FRZB: variants seen among roughly 807,000 people sequenced by gnomAD.
FRZB encodes secreted frizzled-related protein 3.
FRZB carries 34 observed loss-of-function variants against 32.5 expected under a neutral mutation model. The ratio of observed to expected loss-of-function variants is 1.05; its 90% CI spans 0.80 to 1.39. The LOEUF (loss-of-function observed/expected upper bound fraction) is 1.39, where lower values mean the gene tolerates loss of function less well. Among genes scored for constraint, FRZB ranks in the 40% most tolerant of loss-of-function variants. The probability of loss-of-function intolerance (pLI) is 0.00; values close to 1 mark genes in which losing one functional copy is unlikely to be tolerated. For synonymous variants in FRZB, 170 were observed against 159.2 expected, an observed-to-expected ratio of 1.07 and a Z score of -0.51; for missense variants, 423 against 424.8, an observed-to-expected ratio of 1.00 and a Z score of 0.04.
intron 5 of FRZB, among the ~76,000 whole-genome samples, chr2:182,835,960 T>C (rs1414511174): frequency 6.6e-6 from 1 of 152,152 alleles, no homozygotes; most frequent in African/African-American, 2.4e-5. Context: ...GAACTGATAA[T>C]AGAATCTACT....
At chr2:182,850,025 G>A (rs1042871742) in intron 2 of FRZB, among the ~76,000 whole-genome samples, 3 of 152,208 alleles carry the variant, frequency 2.0e-5, no homozygotes, top group African/African-American at 7.2e-5. Flanking sequence ...AGGAAAGGGA[G>A]TGCCAGTCAC....
chr2:182,861,563 T>C (rs940880853), intron 1 of FRZB, among the ~76,000 whole-genome samples: 1 of 152,234 alleles, frequency 6.6e-6, no homozygotes, highest in Non-Finnish European at 1.5e-5. Context: ...CAATCCCTAA[T>C]GAATGTCAAT....
rs76808659 is a variant in FRZB, at chr2:182,836,286, T to A, written c.862-1321A>T. On this transcript the variant is annotated intron_variant, in intron 5 of 5. Transcript: ENST00000295113. ...AGCAAATCTGATTGAAAAAATAACA[T>A]CCTCCATAAAACTCTTTTTACACAT... is the stretch of plus-strand genomic sequence containing the variant. Among the ~76,000 whole-genome samples the A allele has an allele frequency of 5.2e-3, 792 of 152,026 alleles. 25 individuals carry two copies. In the East Asian group the frequency reaches 0.072, roughly 14 times the overall value.
At chr2:182,837,772 A>G (rs1574981734) in intron 5 of FRZB, among the ~76,000 whole-genome samples, 176 bp downstream of exon 5, 1 of 152,164 alleles carries the variant, frequency 6.6e-6, no homozygotes, top group South Asian at 2.1e-4. Flanking sequence ...TCATTCCTTA[A>G]ATAAAATAGA....
At chr2:182,864,294 G>T (rs534520481) in intron 1 of FRZB, among the ~76,000 whole-genome samples, 3 of 152,246 alleles carry the variant, frequency 2.0e-5, no homozygotes, top group Non-Finnish European at 2.9e-5. Flanking sequence ...AGCAAGTTTT[G>T]TGCTTTACGG....
chr2:182,838,510 C>G lies in FRZB; in HGVS notation c.696G>C (p.Arg232=), dbSNP rs755670259. Reference sequence around the variant, plus strand: ...AGCTGGTATAGAGGTTGACAGTGTCCCGTGGAATGTTTACCAGAGAGGACT... The same window carrying G: ...AGCTGGTATAGAGGTTGACAGTGTCGCGTGGAATGTTTACCAGAGAGGACT... ...ILKSSLVNIP[R]DTVNLYTSSG... Residue 232 remains arginine (R), a synonymous_variant, in exon 4 of 6, where the codon CGG becomes CGC. Transcript: ENST00000295113. 1.9e-6 allele frequency: 3 copies of G among 1,612,766 alleles called. No homozygotes were observed. The East Asian group carries it at 6.7e-5, about 36-fold the overall frequency.
Position 182,866,052 on chromosome 2 carries a change from G to A in FRZB, c.478+23C>T. ...TTGAGGAGGCTGTAGGGTAAGGGAA[G>A]GGTGGGCCGTGTCAAAACTCACCAG... On this transcript the variant is annotated intron_variant, in intron 1 of 5. Coordinates refer to ENST00000295113, the MANE Select transcript of FRZB (RefSeq NM_001463.4). This position sits in a 1 kb window ranked among gnomAD's most constrained non-coding sequence, Gnocchi z 4.5. The A allele has an allele frequency of 6.4e-7, 1 of 1,567,346 alleles. No individual in the cohort carries two copies. The highest frequency in any genetic ancestry group is 2.3e-5 in the East Asian group (1 of 44,440).
chr2:182,860,489 G>A (rs915163431), intron 1 of FRZB, among the ~76,000 whole-genome samples: 2 of 152,060 alleles, frequency 1.3e-5, no homozygotes, highest in African/African-American at 4.8e-5. Context: ...CATTAGAGAG[G>A]GAGAGAAGGG....
In FRZB at chr2:182,866,580, G is replaced by A; in HGVS notation, c.-28C>T. ...TCCCGGCAGGATGGGGCAGGGTGCA[G>A]CCGCGCAGTGGACGCCAAAAGGCCC... On this transcript the variant is annotated 5_prime_UTR_variant, in exon 1 of 6. Transcript: ENST00000295113. This position sits in a 1 kb window ranked among gnomAD's most constrained non-coding sequence, Gnocchi z 4.5. 2 of 1,403,814 alleles carry A rather than the reference G, an allele frequency of 1.4e-6. No individual in the cohort carries two copies. The highest frequency in any genetic ancestry group is 1.9e-6 in the Non-Finnish European group (2 of 1,073,254). 87.0% of individuals were successfully genotyped at this position (1,403,814 alleles called of 1,614,324 possible). A position where few individuals can be genotyped will look rare whatever the true frequency, so the allele number is the denominator to read the frequency against.
rs184223003 is a variant in FRZB, at chr2:182,862,620, T to C, written c.478+3455A>G. On this transcript the variant is annotated intron_variant, in intron 1 of 5. Coordinates refer to ENST00000295113, the MANE Select transcript of FRZB (RefSeq NM_001463.4). ...TAAAAGTTCTAGGCTGCATCTGCAT[T>C]TACCAACATAACCATTTCAAAAACA... is the stretch of plus-strand genomic sequence containing the variant. Among the ~76,000 whole-genome samples the C allele has an allele frequency of 4.3e-4, 66 of 152,352 alleles. 1 individual carries two copies. The highest frequency in any genetic ancestry group is 7.3e-5 in the Non-Finnish European group (5 of 68,038).
chr2:182,838,005 G>T lies in FRZB; in HGVS notation c.804C>A (p.Leu268=). The T allele has an allele frequency of 6.2e-7, 1 of 1,611,118 alleles. No individual in the cohort carries two copies. ...GYEDEERSRL[L]LVEGSIAEKW... ...TCTCAGCTATAGAGCCTTCCACCAAGAGTAATCTGTATTTTTGAAAGAAGC... is the reference window on the plus strand; with the variant it reads ...TCTCAGCTATAGAGCCTTCCACCAATAGTAATCTGTATTTTTGAAAGAAGC... The change falls in exon 5 of 6, where the codon CTC becomes CTA. Residue 268 remains leucine, a synonymous_variant. Transcript: ENST00000295113.
intron 3 of FRZB, among the ~76,000 whole-genome samples, chr2:182,838,879 C>T (rs937589364): frequency 6.6e-6 from 1 of 151,982 alleles, no homozygotes; most frequent in Non-Finnish European, 1.5e-5. Context: ...TGTGCATGTG[C>T]TTTTGAGAAA....
In FRZB at chr2:182,866,268, GATGGGCGCGT is replaced by G. The variant is rs747656575; in HGVS notation, c.275_284del (p.Tyr92SerfsTer112). The stretch of plus-strand genomic sequence containing the variant: ...GCTCGTGCTGGAAGTCAATGGTGCA[GATGGGCGCGT>G]ACATGGCACAGAGGAAGAAGAGCAG... On this transcript the variant is annotated frameshift_variant, in exon 1 of 6. Transcript: ENST00000295113. LOFTEE classifies it high-confidence loss of function. This position sits in a 1 kb window ranked among gnomAD's most constrained non-coding sequence, Gnocchi z 4.5. The G allele has an allele frequency of 6.2e-7, 1 of 1,614,246 alleles. No individual in the cohort carries two copies. The highest frequency in any genetic ancestry group is 1.3e-5 in the African/African-American group (1 of 75,072).
chr2:182,865,361 T>G (rs1316123514), intron 1 of FRZB, among the ~76,000 whole-genome samples: 1 of 152,186 alleles, frequency 6.6e-6, no homozygotes, highest in Admixed American at 6.5e-5. Context: ...AATTTCAGTC[T>G]GCCAGCTCTA....
chr2:182,846,936 A>C (rs1422262361), intron 2 of FRZB, among the ~76,000 whole-genome samples: 1 of 152,216 alleles, frequency 6.6e-6, no homozygotes, highest in Non-Finnish European at 1.5e-5. Context: ...ACTCTGGTGT[A>C]TCCATTCTTC....
intron 2 of FRZB, among the ~76,000 whole-genome samples, chr2:182,852,269 G>A (rs1695718268): frequency 6.6e-6 from 1 of 152,158 alleles, no homozygotes; most frequent in Non-Finnish European, 1.5e-5. Context: ...GAGTGGCTGG[G>A]CAGGCCTGGC....
chr2:182,862,510 ATAT>A (rs778743996), intron 1 of FRZB, among the ~76,000 whole-genome samples: 1 of 152,216 alleles, frequency 6.6e-6, no homozygotes, highest in Non-Finnish European at 1.5e-5. Context: ...CTAACTTTAT[ATAT>A]TTAGAAGAAA....
chr2:182,847,515 T>C (rs1695658921), intron 2 of FRZB, among the ~76,000 whole-genome samples: 1 of 152,230 alleles, frequency 6.6e-6, no homozygotes. Context: ...GGCAACGTGA[T>C]GACTGGACCC....
rs950505020 is a variant in FRZB at position 182,834,140 on chromosome 2, C to G, written c.*709G>C. 2.6e-5 allele frequency: 4 copies of G among 152,088 alleles called. No individual in the cohort carries two copies. Among genetic ancestry groups the G allele is most frequent in the African/African-American group, 9.7e-5 (4 of 41,414 alleles). 9.4% of individuals were successfully genotyped at this position (152,088 alleles called of 1,614,324 possible). On this transcript the variant is annotated 3_prime_UTR_variant, in exon 6 of 6. Transcript: ENST00000295113. ...TTCATGAACAAATCAAATGTATTGC[C>G]AAAAGAAGAATGCTACCATTAACAC...
Sources: allele counts gnomAD v4.1 joint callset (sites outside exome capture counted in the v4.1 genomes callset), GRCh38; gene constraint gnomAD v4.1.1; non-coding constraint Gnocchi (gnomAD v3.1); transcripts MANE v1.5; gene names NCBI Gene and HGNC (gene_info 2026-07-23, HGNC 2026-07-21).